Variants in RABL6 observed in about 807,000 individuals in gnomAD.
RABL6 encodes the protein rab-like protein 6.
In RABL6, 28 loss-of-function variants were observed where a neutral mutation model predicts 72.9. That is an observed-to-expected ratio of 0.38 (90% CI 0.28 to 0.53). The LOEUF (loss-of-function observed/expected upper bound fraction) is 0.53, where lower values mean the gene tolerates loss of function less well. Among genes scored for constraint, RABL6 ranks in the 20% least tolerant of loss-of-function variants. The probability of loss-of-function intolerance (pLI) is 0.80; values close to 1 mark genes in which losing one functional copy is unlikely to be tolerated. For synonymous variants in RABL6, 477 were observed against 421.2 expected (o/e 1.13, Z -1.62); for missense variants, 1,029 against 1,008.4 (o/e 1.02, Z -0.28).
chr9:136,821,755 C>A, intron 1 of RABL6: 2 of 1,150,628 alleles, frequency 1.7e-6, no homozygotes, highest in Non-Finnish European at 2.2e-6. Flanking sequence ...GGCCGCCGGG[C>A]TGGAGGGCGC....
At chr9:136,837,057 A>G (rs1588371882) in intron 8 of RABL6, 2 of 536,164 alleles carry the variant, frequency 3.7e-6, no homozygotes, top group Middle Eastern at 1.0e-3. Context: ...TTGTATTTTT[A>G]GTAGAGACGG....
chr9:136,808,349 G>C (rs746395593), intron 1 of RABL6, 23 bp downstream of exon 1: 8 of 1,487,556 alleles, frequency 5.4e-6, no homozygotes, highest in African/African-American at 4.4e-5. Context: ...GGCCGGGGGG[G>C]CGCGGGAGCG....
At chr9:136,835,873 C>G in intron 8 of RABL6, 28 bp downstream of exon 8, 1 of 1,544,100 alleles carries the variant, frequency 6.5e-7, no homozygotes, top group Non-Finnish European at 8.7e-7. Flanking sequence ...CCCGTGCGGG[C>G]GGTGTGGGGG....
rs765845388 is a variant in RABL6 at position 136,837,640 on chromosome 9, C to G, written c.1104C>G (p.Thr368=). The part of the protein sequence containing the change: ...ISRLFGTSPA[T]EAAPPPPEPV... ...GGCTGTTTGGGACGTCACCTGCCAC[C>G]GAGGCAGCCCCTCCACCTCCAGGTA... The change falls in exon 9 of 15, where the codon ACC becomes ACG. Residue 368 remains threonine (T), a synonymous_variant. Coordinates refer to ENST00000311502, the MANE Select transcript of RABL6 (RefSeq NM_024718.5). 1.3e-6 allele frequency: 2 copies of G among 1,594,016 alleles called. No homozygotes were observed. Among genetic ancestry groups the G allele is most frequent in the Admixed American group, 3.5e-5 (2 of 57,710 alleles).
rs374073927 is a variant in RABL6 at position 136,839,678 on chromosome 9, G to C, written c.1759-16G>C. On this transcript the variant is annotated splice_polypyrimidine_tract_variant and intron_variant, in intron 12 of 14. Transcript: ENST00000311502. ...GGGAGGGATGATGGCCTGACCAGTT[G>C]CTCTCCCTGCTCCAGGATGACTTTC... 10 of 1,568,838 alleles carry C rather than the reference G, an allele frequency of 6.4e-6. No individual in the cohort carries two copies. In the African/African-American group the frequency reaches 1.2e-4, roughly 19 times the overall value.
At chr9:136,835,064 G>C (rs1200842844) in intron 7 of RABL6, 3 of 151,340 alleles carry the variant, frequency 2.0e-5, no homozygotes, top group Admixed American at 2.0e-4. Context: ...AGGAATTAGA[G>C]ACCAGTCTGG....
Position 136,829,389 on chromosome 9 carries a change from C to T in RABL6, c.367-4C>T. The T allele has an allele frequency of 6.4e-7, 1 of 1,564,848 alleles. No homozygotes were observed. The highest frequency in any genetic ancestry group is 8.7e-7 in the Non-Finnish European group (1 of 1,154,814). ...GTCTCACACCTGTTCCCTCCTGTCC[C>T]CAGGCGGAGTCTGAAATGGCCCTGG... is the stretch of plus-strand genomic sequence containing the variant. On this transcript the variant is annotated splice_polypyrimidine_tract_variant and splice_region_variant and intron_variant, in intron 4 of 14. Transcript: ENST00000311502.
chr9:136,822,157 C>G (rs528207855), intron 1 of RABL6: 2 of 1,183,186 alleles, frequency 1.7e-6, no homozygotes, highest in South Asian at 2.8e-5. Flanking sequence ...CGGGCGCCCT[C>G]TGCGTTGGGA....
Position 136,837,409 on chromosome 9 carries a change from G to C in RABL6, c.873G>C (p.Gln291His). The C allele has an allele frequency of 6.3e-7, 1 of 1,592,792 alleles. No homozygotes were observed. The highest frequency in any genetic ancestry group is 8.5e-7 in the Non-Finnish European group (1 of 1,170,914). The change falls in exon 9 of 15, where the codon CAG (glutamine) becomes CAC (histidine). Residue 291 changes from glutamine (Q) to histidine (H), a missense_variant. Physicochemically the swap from Gln to His is conservative, Grantham distance 24 (BLOSUM62 0). Transcript: ENST00000311502. ...GHASPLAANG[Q>H]SPSPGSQSPV... ...CGTCCCCACTGGCGGCCAACGGGCA[G>C]AGCCCATCCCCGGGCTCCCAGTCAC... is the stretch of plus-strand genomic sequence containing the variant.
At chr9:136,831,904 T>C (rs1413310514) in intron 6 of RABL6, 43 bp downstream of exon 6, 1 of 1,572,706 alleles carries the variant, frequency 6.4e-7, no homozygotes, top group East Asian at 2.3e-5. Flanking sequence ...TGCCCGGTGC[T>C]CCGGTGTGCG....
At chr9:136,818,800 A>G (rs548254405) in intron 1 of RABL6, among the ~76,000 whole-genome samples, 2 of 152,272 alleles carry the variant, frequency 1.3e-5, no homozygotes, top group East Asian at 3.9e-4. Flanking sequence ...AGTGGTGATC[A>G]TGATTTATAT....
In RABL6 at chr9:136,808,131, C is replaced by T; in HGVS notation, c.-66C>T. Reference sequence around the variant, plus strand: ...GGGGCCGCCGGGACATGGTGCCAGTCGCACCCCTTCCCCGCCGCCGCTGAG... The same window carrying T: ...GGGGCCGCCGGGACATGGTGCCAGTTGCACCCCTTCCCCGCCGCCGCTGAG... On this transcript the variant is annotated 5_prime_UTR_variant, in exon 1 of 15. Transcript: ENST00000311502. 6.9e-7 allele frequency: 1 copy of T among 1,441,078 alleles called. No individual in the cohort carries two copies. The highest frequency in any genetic ancestry group is 9.2e-7 in the Non-Finnish European group (1 of 1,088,842). 89.3% of individuals were successfully genotyped at this position (1,441,078 alleles called of 1,614,324 possible). A position where few individuals can be genotyped will look rare whatever the true frequency, so the allele number is the denominator to read the frequency against.
intron 1 of RABL6, 148 bp from the exon 2 acceptor site, chr9:136,823,376 TC>T: frequency 9.0e-7 from 1 of 1,109,974 alleles, no homozygotes; most frequent in East Asian, 2.7e-5. Context: ...ATCGTCTTCC[TC>T]CCCTGCCTGC....
At chr9:136,808,445 GGCC>G (rs1156744867) in intron 1 of RABL6, 119 bp downstream of exon 1, 1 of 1,127,414 alleles carries the variant, frequency 8.9e-7, no homozygotes, top group African/African-American at 1.7e-5. Context: ...GGGTGCGCTG[GGCC>G]CGCCGGGCGC....
At chr9:136,818,526 G>C (rs1052352321) in intron 1 of RABL6, among the ~76,000 whole-genome samples, 1 of 151,998 alleles carries the variant, frequency 6.6e-6, no homozygotes, top group Admixed American at 6.6e-5. Flanking sequence ...GGTGGATCAC[G>C]AGGTCAGGAG....
intron 1 of RABL6, among the ~76,000 whole-genome samples, chr9:136,822,653 TC>T (rs1264578407): frequency 6.6e-6 from 1 of 151,634 alleles, no homozygotes; most frequent in Non-Finnish European, 1.5e-5. Flanking sequence ...CTGCCCTCCC[TC>T]CCCCATCACA....
intron 5 of RABL6, 80 bp downstream of exon 5, chr9:136,829,564 A>G: frequency 7.9e-7 from 1 of 1,265,118 alleles, no homozygotes. Context: ...TGCAGCAGAT[A>G]ATGGTTAGAG....
chr9:136,838,483 C>G (rs1262851627), intron 10 of RABL6, among the ~76,000 whole-genome samples: 3 of 152,240 alleles, frequency 2.0e-5, no homozygotes, highest in Non-Finnish European at 2.9e-5. Context: ...CAAATTTTGC[C>G]TGCAGCAAAG....
chr9:136,812,752 A>AT lies in RABL6; in HGVS notation c.130+4427dup, dbSNP rs1848039103. On this transcript the variant is annotated intron_variant, in intron 1 of 14. Transcript: ENST00000311502. ...AAAACCCCAGCGTCCTTTCTTTCAA[A>AT]TGGGAGAGGGAAAGACAAAGGGACA... 4.1e-5 allele frequency: 13 copies of AT among 317,052 alleles called. No homozygotes were observed. The South Asian group carries it at 4.4e-4, about 11-fold the overall frequency. 19.6% of individuals were successfully genotyped at this position (317,052 alleles called of 1,614,324 possible). A position where few individuals can be genotyped will look rare whatever the true frequency, so the allele number is the denominator to read the frequency against.
Sources: allele counts gnomAD v4.1 joint callset (sites outside exome capture counted in the v4.1 genomes callset), GRCh38; gene constraint gnomAD v4.1.1; transcripts MANE v1.5; gene names NCBI Gene and HGNC (gene_info 2026-07-23, HGNC 2026-07-21).